AP4E1: variants seen among roughly 807,000 people sequenced by gnomAD.
AP4E1 encodes adaptor related protein complex 4 subunit epsilon 1.
Under a neutral mutation model 128.2 loss-of-function variants are expected in AP4E1, and 56 were observed. The observed-to-expected ratio is 0.44, with a 90% confidence interval of 0.35 to 0.55. The LOEUF (loss-of-function observed/expected upper bound fraction) is 0.55. AP4E1 is among the 20% of genes least tolerant of loss of function. AP4E1 has a pLI of 0.00. For missense variants in AP4E1, 1,324 were observed against 1,307.7 expected (o/e 1.01, Z -0.19); for synonymous variants, 484 against 473.1 (o/e 1.02, Z -0.30).
chr15:50,908,317 G>A (rs1194565577), upstream of AP4E1, among the ~76,000 whole-genome samples: 4 of 152,196 alleles, frequency 2.6e-5, no homozygotes, highest in Admixed American at 2.6e-4. Flanking sequence ...GGTGGCGCGC[G>A]CTCCGGGGAC....
rs1567271044 is a variant in AP4E1, at chr15:51,003,444, G to A, written c.*782G>A. The A allele has an allele frequency of 2.0e-5, 3 of 152,264 alleles. No homozygotes were observed. The highest frequency in any genetic ancestry group is 7.2e-5 in the African/African-American group (3 of 41,452). The allele number at this position is 152,264 out of a possible 1,614,324, so 9.4% of individuals were successfully genotyped here. The stretch of plus-strand genomic sequence containing the variant: ...AAACAGATACAAAAATGACTTTTTA[G>A]TTATGACAAATATTTTAGTTGGTTA... On this transcript the variant is annotated 3_prime_UTR_variant, in exon 21 of 21. Transcript: ENST00000261842.
intron 13 of AP4E1, among the ~76,000 whole-genome samples, chr15:50,950,555 C>T (rs992150242): frequency 2.0e-5 from 3 of 152,240 alleles, no homozygotes; most frequent in Admixed American, 1.3e-4. Context: ...GCATTTTCAA[C>T]GTACCAGGCA....
chr15:50,972,267 G>A (rs7494977), intron 15 of AP4E1, among the ~76,000 whole-genome samples: 65,921 of 151,712 alleles, frequency 0.43, 14,520 homozygotes, highest in East Asian at 0.59. Flanking sequence ...GCTGGAGTGC[G>A]GTGGCATGAT....
At chr15:50,931,964 A>T (rs1448427265) in intron 7 of AP4E1, among the ~76,000 whole-genome samples, 2 of 151,798 alleles carry the variant, frequency 1.3e-5, no homozygotes, top group African/African-American at 4.8e-5. Flanking sequence ...ATATATATAT[A>T]TACTTTCAAT....
chr15:50,993,615 C>T lies in AP4E1; in HGVS notation c.2336C>T (p.Thr779Ile). The T allele has an allele frequency of 6.2e-7, 1 of 1,613,928 alleles. No homozygotes were observed. The highest frequency in any genetic ancestry group is 1.1e-5 in the South Asian group (1 of 91,086). Residue 779 changes from threonine (T) to isoleucine (I), a missense_variant, in exon 17 of 21, where the codon ACA (threonine) becomes ATA (isoleucine). Coordinates refer to ENST00000261842, the MANE Select transcript of AP4E1 (RefSeq NM_007347.5). The part of the protein sequence containing the change: ...SLFVGLGSES[T>I]INLLGKADTV... ...TTTGTTGGTCTAGGATCAGAAAGTA[C>T]AATCAACCTGGTAAGTAATCGGTTC...
chr15:50,947,975 T>C (rs1235546462), intron 10 of AP4E1, 45 bp from the exon 11 acceptor site: 1 of 1,423,612 alleles, frequency 7.0e-7, no homozygotes, highest in Non-Finnish European at 9.7e-7. Context: ...ATTGGTGTTA[T>C]GCATAGTTTT....
Position 50,968,309 on chromosome 15 carries a change from T to C in AP4E1, c.1898T>C (p.Leu633Pro). 6.2e-7 allele frequency: 1 copy of C among 1,613,844 alleles called. No homozygotes were observed. The highest frequency in any genetic ancestry group is 8.5e-7 in the Non-Finnish European group (1 of 1,179,880). The part of the protein sequence containing the change: ...SFLDGFVAEG[L>P]SQGAAPYKPP... ...CTGGATGGTTTTGTGGCTGAAGGACTCAGTCAGGGTGCAGCGCCTTACAAA... is the reference window on the plus strand; with the variant it reads ...CTGGATGGTTTTGTGGCTGAAGGACCCAGTCAGGGTGCAGCGCCTTACAAA... The change falls in exon 15 of 21, where the codon CTC becomes CCC. Residue 633 changes from leucine to proline, a missense_variant. Coordinates refer to ENST00000261842, the MANE Select transcript of AP4E1 (RefSeq NM_007347.5).
chr15:50,933,998 CGTGGAGGCAGAGTGCTAGG>C (rs1233583996), intron 7 of AP4E1, among the ~76,000 whole-genome samples: 2 of 151,944 alleles, frequency 1.3e-5, no homozygotes, highest in Non-Finnish European at 2.9e-5. Flanking sequence ...GTCTAACAAG[CGTGGAGGCAGAGTGCTAGG>C]GCACTAATGC....
At chr15:50,910,270 A>C (rs1171326372) in intron 1 of AP4E1, among the ~76,000 whole-genome samples, 1 of 152,216 alleles carries the variant, frequency 6.6e-6, no homozygotes, top group Non-Finnish European at 1.5e-5. Flanking sequence ...GGCATGAGCC[A>C]CCGCGCCGGG....
chr15:50,955,362 A>G (rs2064205514), intron 13 of AP4E1, among the ~76,000 whole-genome samples: 1 of 152,072 alleles, frequency 6.6e-6, no homozygotes. Context: ...TGACTTTTTA[A>G]TGATCACCAT....
At chr15:50,993,201 T>A (rs760509043) in intron 16 of AP4E1, among the ~76,000 whole-genome samples, 169 bp from the exon 17 acceptor site, 1 of 152,216 alleles carries the variant, frequency 6.6e-6, no homozygotes, top group Non-Finnish European at 1.5e-5. Context: ...ATGTTGGCTA[T>A]AACTAAAATA....
chr15:50,954,749 G>C (rs1170429466), intron 13 of AP4E1, among the ~76,000 whole-genome samples: 3 of 152,106 alleles, frequency 2.0e-5, no homozygotes, highest in African/African-American at 7.2e-5. Context: ...CAACGTTCAG[G>C]TTTGTTACAT....
chr15:50,978,006 C>G (rs2064582436), intron 15 of AP4E1, among the ~76,000 whole-genome samples: 1 of 152,068 alleles, frequency 6.6e-6, no homozygotes, highest in African/African-American at 2.4e-5. Context: ...ACCATGCCAG[C>G]CTGTTCTGGT....
At chr15:50,922,163 CAAA>C (rs34829950) in intron 3 of AP4E1, among the ~76,000 whole-genome samples, 1 of 79,748 alleles carries the variant, frequency 1.3e-5, no homozygotes, top group Non-Finnish European at 2.3e-5. Flanking sequence ...CCTATCTCTA[CAAA>C]AAAAAAAAAA....
intron 10 of AP4E1, chr15:50,945,827 G>A (rs1232231204): frequency 3.9e-6 from 3 of 778,110 alleles, no homozygotes; most frequent in South Asian, 2.8e-5. Flanking sequence ...GATATAAAAT[G>A]TATAGCTTGT....
At chr15:50,948,280 C>T in intron 11 of AP4E1, 121 bp downstream of exon 11, 1 of 1,263,950 alleles carries the variant, frequency 7.9e-7, no homozygotes, top group Non-Finnish European at 1.1e-6. Flanking sequence ...CTTTTTATTC[C>T]TGATTTTCAA....
At chr15:50,913,051 T>C (rs2063583453) in intron 2 of AP4E1, among the ~76,000 whole-genome samples, 1 of 152,220 alleles carries the variant, frequency 6.6e-6, no homozygotes, top group South Asian at 2.1e-4. Context: ...TATAAGCCAC[T>C]GTGGGAATGT....
In AP4E1 at chr15:50,958,559, A is replaced by G. The variant is rs1469599826; in HGVS notation, c.1616A>G (p.Lys539Arg). The G allele has an allele frequency of 3.1e-6, 5 of 1,613,916 alleles. No homozygotes were observed. The African/African-American group carries it at 5.3e-5, about 17-fold the overall frequency. The change falls in exon 14 of 21, where the codon AAG becomes AGG. Residue 539 changes from lysine (K) to arginine (R), a missense_variant. Lys to Arg is a conservative substitution (Grantham distance 26, BLOSUM62 2). Transcript: ENST00000261842. ...TPEEVIAKLY[K>R]LLMNDSVSSE... Reference sequence around the variant, plus strand: ...GAGGAAGTTATAGCTAAGCTCTACAAGTTACTTATGAATGACTCTGTGTCT... The same window carrying G: ...GAGGAAGTTATAGCTAAGCTCTACAGGTTACTTATGAATGACTCTGTGTCT...
In AP4E1 at chr15:50,941,708, T is replaced by G; in HGVS notation, c.1109T>G (p.Leu370Arg). 1 of 1,613,768 alleles carries G rather than the reference T, an allele frequency of 6.2e-7. No individual in the cohort carries two copies. The highest frequency in any genetic ancestry group is 8.5e-7 in the Non-Finnish European group (1 of 1,179,750). The change falls in exon 10 of 21, where the codon CTG becomes CGG. Residue 370 changes from leucine to arginine, a missense_variant. By Grantham distance (102) the Leu-to-Arg change is moderately radical. Transcript: ENST00000261842. ...LTYVIQQDPT[L>R]ALQHQMTIIE... ...TATGTTATCCAACAGGATCCTACTC[T>G]GGCTCTTCAACACCAGATGACAATA...
Sources: gnomAD v4.1 joint callset for allele counts (sites outside exome capture counted in the v4.1 genomes callset) on GRCh38, gnomAD v4.1.1 for gene constraint, MANE v1.5 for transcripts, NCBI Gene and HGNC (gene_info 2026-07-23, HGNC 2026-07-21) for gene names.